The following PPA1 variants were observed in gnomAD, a reference collection of about 807,000 sequenced individuals.
The protein encoded by PPA1 is inorganic pyrophosphatase 1, also known as inorganic pyrophosphatase.
PPA1 carries 23 observed loss-of-function variants against 41.8 expected under a neutral mutation model. That is an observed-to-expected ratio of 0.55 (90% CI 0.40 to 0.78). The LOEUF (loss-of-function observed/expected upper bound fraction) is 0.78, where lower values mean the gene tolerates loss of function less well. PPA1 is among the 30% of genes least tolerant of loss of function. The probability of loss-of-function intolerance (pLI) is 0.00; values close to 1 mark genes in which losing one functional copy is unlikely to be tolerated. For missense variants in PPA1, 320 were observed against 361.6 expected, an observed-to-expected ratio of 0.89 and a Z score of 0.93; for synonymous variants, 101 against 116.8, an observed-to-expected ratio of 0.86 and a Z score of 0.87.
rs1361336339 is a variant in PPA1 at position 70,213,526 on chromosome 10, C to G, written c.448G>C (p.Gly150Arg). Residue 150 changes from glycine to arginine, a missense_variant, in exon 6 of 11, where the codon GGG becomes CGG. Physicochemically the swap from Gly to Arg is moderately radical, Grantham distance 125 (BLOSUM62 -2). Transcript: ENST00000373232. The part of the protein sequence containing the change: ...VLGILAMIDE[G>R]ETDWKVIAIN... ...GCAATGACTTTCCAGTCGGTTTCCC[C>G]TTCGTCAATCATAGCCAATATGCCT... is the stretch of plus-strand genomic sequence containing the variant. 2.5e-6 allele frequency: 4 copies of G among 1,614,016 alleles called. No individual in the cohort carries two copies. Among genetic ancestry groups the G allele is most frequent in the Non-Finnish European group, 3.4e-6 (4 of 1,179,952 alleles).
chr10:70,216,910 C>T (rs1292299584), intron 4 of PPA1, among the ~76,000 whole-genome samples: 1 of 152,142 alleles, frequency 6.6e-6, no homozygotes, highest in African/African-American at 2.4e-5. Context: ...TGGCTCACAC[C>T]TGTAATCCCA....
intron 4 of PPA1, among the ~76,000 whole-genome samples, 165 bp downstream of exon 4, chr10:70,217,642 GAAAAT>G (rs1305094794): frequency 6.6e-6 from 1 of 152,184 alleles, no homozygotes; most frequent in East Asian, 1.9e-4. Context: ...AGTTTATCTT[GAAAAT>G]AAGTTATTTA....
chr10:70,209,198 C>T lies in PPA1; in HGVS notation c.725+7G>A. The T allele has an allele frequency of 6.4e-7, 1 of 1,570,698 alleles. No individual in the cohort carries two copies. The highest frequency in any genetic ancestry group is 8.8e-7 in the Non-Finnish European group (1 of 1,141,180). On this transcript the variant is annotated splice_region_variant and intron_variant, in intron 8 of 10. Coordinates refer to ENST00000373232, the MANE Select transcript of PPA1 (RefSeq NM_021129.4). ...GTGTGTTAAACATGCAAAGTGTTTA[C>T]ACTTACCAACTGATTCCTTTTCCAT... is the stretch of plus-strand genomic sequence containing the variant.
intron 3 of PPA1, chr10:70,218,553 G>A (rs1269547687): frequency 1.3e-5 from 7 of 525,304 alleles, no homozygotes; most frequent in Non-Finnish European, 2.0e-5. Flanking sequence ...AAGATGTTGG[G>A]AAGAAAAGTT....
chr10:70,205,873 T>C (rs1839934074), intron 9 of PPA1: 1 of 164,594 alleles, frequency 6.1e-6, no homozygotes, highest in Non-Finnish European at 1.3e-5. Flanking sequence ...TATGAATCAT[T>C]CCTGCAATGG....
chr10:70,225,205 C>T (rs902277904), intron 2 of PPA1, among the ~76,000 whole-genome samples: 5 of 151,568 alleles, frequency 3.3e-5, no homozygotes, highest in Non-Finnish European at 5.9e-5. Context: ...CCCTGTGGTC[C>T]CACCACTCTT....
At chr10:70,221,843 A>C (rs1169724601) in intron 2 of PPA1, among the ~76,000 whole-genome samples, 2 of 152,242 alleles carry the variant, frequency 1.3e-5, no homozygotes, top group Non-Finnish European at 2.9e-5. Flanking sequence ...ACTAATTCAA[A>C]GTTTAGAAAC....
At chr10:70,220,649 A>T (rs1320884616) in intron 2 of PPA1, among the ~76,000 whole-genome samples, 1 of 5,208 alleles carries the variant, frequency 1.9e-4, no homozygotes, top group Admixed American at 5.4e-3. Flanking sequence ...TATATAATTT[A>T]TATATATATT....
At chr10:70,214,438 T>C (rs564848351) in intron 5 of PPA1, 62 bp downstream of exon 5, 8 of 1,342,638 alleles carry the variant, frequency 6.0e-6, no homozygotes, top group African/African-American at 5.8e-5. Flanking sequence ...TTTTAAAGTA[T>C]GAAATTTGGT....
intron 2 of PPA1, 88 bp from the exon 3 acceptor site, chr10:70,218,905 T>C (rs557497869): frequency 2.2e-6 from 2 of 913,854 alleles, no homozygotes; most frequent in Admixed American, 2.0e-5. Context: ...AGTCAAACTG[T>C]TCATTGTATC....
At chr10:70,214,619 T>C (rs1840058653) in intron 4 of PPA1, 33 bp from the exon 5 acceptor site, 7 of 1,515,804 alleles carry the variant, frequency 4.6e-6, no homozygotes, top group African/African-American at 1.4e-5. Flanking sequence ...ATCATTCCTA[T>C]ACATACTGAC....
chr10:70,220,650 T>C (rs867804357), intron 2 of PPA1, among the ~76,000 whole-genome samples: 1 of 4,526 alleles, frequency 2.2e-4, no homozygotes, highest in African/African-American at 1.2e-3. Flanking sequence ...ATATAATTTA[T>C]ATATATATTA....
intron 2 of PPA1, among the ~76,000 whole-genome samples, 157 bp from the exon 3 acceptor site, chr10:70,218,974 T>A (rs1307378340): frequency 6.6e-6 from 1 of 152,200 alleles, no homozygotes; most frequent in Non-Finnish European, 1.5e-5. Context: ...GAATGATGGA[T>A]GAAGAAATAA....
chr10:70,227,947 T>C (rs775430381), intron 2 of PPA1, among the ~76,000 whole-genome samples: 59 of 152,298 alleles, frequency 3.9e-4, no homozygotes, highest in Non-Finnish European at 7.9e-4. Context: ...ATCAAGTTAA[T>C]CAGATTTTTT....
intron 7 of PPA1, 88 bp from the exon 8 acceptor site, chr10:70,209,378 C>T (rs556236633): frequency 7.6e-6 from 10 of 1,312,158 alleles, no homozygotes; most frequent in Non-Finnish European, 1.0e-5. Context: ...TACTTTGTCT[C>T]TTCTGAATCA....
intron 2 of PPA1, 44 bp downstream of exon 2, chr10:70,230,297 T>G: frequency 6.3e-7 from 1 of 1,595,480 alleles, no homozygotes; most frequent in Non-Finnish European, 8.6e-7. Context: ...TAGAACTAGC[T>G]GATCTGAGTA....
chr10:70,217,106 C>T (rs9415957), intron 4 of PPA1, among the ~76,000 whole-genome samples: 108,964 of 151,430 alleles, frequency 0.72, 39,998 homozygotes, highest in Non-Finnish European at 0.79. Context: ...TGCAGTGAGC[C>T]GAGATCACGC....
rs1304214242 is a variant in PPA1 at position 70,213,520 on chromosome 10, T to G, written c.454A>C (p.Thr152Pro). 3 of 1,614,040 alleles carry G rather than the reference T, an allele frequency of 1.9e-6. No homozygotes were observed. The highest frequency in any genetic ancestry group is 2.5e-6 in the Non-Finnish European group (3 of 1,179,950). ...GILAMIDEGE[T>P]DWKVIAINVD... Reference sequence around the variant, plus strand: ...TTAATGGCAATGACTTTCCAGTCGGTTTCCCCTTCGTCAATCATAGCCAAT... The same window carrying G: ...TTAATGGCAATGACTTTCCAGTCGGGTTCCCCTTCGTCAATCATAGCCAAT... The change falls in exon 6 of 11, where the codon ACC (threonine) becomes CCC (proline). Residue 152 changes from threonine (T) to proline (P), a missense_variant. By Grantham distance (38) the Thr-to-Pro change is conservative. Coordinates refer to ENST00000373232, the MANE Select transcript of PPA1 (RefSeq NM_021129.4).
rs1161064587 is a variant in PPA1, at chr10:70,232,570, G to C, written c.64+694C>G. On this transcript the variant is annotated intron_variant, in intron 1 of 10. Coordinates refer to ENST00000373232, the MANE Select transcript of PPA1 (RefSeq NM_021129.4). ...CCGAATCCTGCAAAGGTAAAAACTT[G>C]GCACTTTCTCAGTCTTGTTTCCAGA... Among the ~76,000 whole-genome samples, 4 of 152,302 alleles carry C rather than the reference G, an allele frequency of 2.6e-5. 1 individual carries two copies. The East Asian group carries it at 5.8e-4, about 22-fold the overall frequency.
Sources: allele counts gnomAD v4.1 joint callset (sites outside exome capture counted in the v4.1 genomes callset), GRCh38; gene constraint gnomAD v4.1.1; transcripts MANE v1.5; gene names NCBI Gene and HGNC (gene_info 2026-07-23, HGNC 2026-07-21).